The following COPB1 variants were observed in gnomAD, a reference collection of about 807,000 sequenced individuals.
The protein encoded by COPB1 is coat protein complex I subunit beta 1.
A neutral mutation model predicts 108.7 loss-of-function variants in COPB1; 21 were observed. That is an observed-to-expected ratio of 0.19 (90% CI 0.14 to 0.28). COPB1 has a LOEUF of 0.28. Ranked by LOEUF, COPB1 falls within the 10% of genes least tolerant of loss-of-function variation. The pLI is 1.00. For synonymous variants in COPB1, 378 were observed against 386.8 expected (o/e 0.98, Z 0.27); for missense variants, 919 against 1,141.3 (o/e 0.81, Z 2.81).
intron 18 of COPB1, 133 bp from the exon 19 acceptor site, chr11:14,461,464 GCT>G (rs1850148452): frequency 2.3e-6 from 2 of 854,054 alleles, no homozygotes; most frequent in South Asian, 3.8e-5. Flanking sequence ...TATGTACAGA[GCT>G]CTATTCTACA....
At chr11:14,494,768 G>A in intron 2 of COPB1, 1 of 194,528 alleles carries the variant, frequency 5.1e-6, no homozygotes, top group Non-Finnish European at 1.0e-5. Flanking sequence ...AACACATATA[G>A]CTATTTTTCA....
intron 18 of COPB1, among the ~76,000 whole-genome samples, chr11:14,463,298 C>T (rs1278276498): frequency 6.6e-6 from 1 of 151,988 alleles, no homozygotes; most frequent in Admixed American, 6.6e-5. Flanking sequence ...TAAACAAATA[C>T]TTATCTCTAG....
At chr11:14,479,812 TG>T (rs1397271264) in intron 10 of COPB1, 98 bp from the exon 11 acceptor site, 8 of 1,249,934 alleles carry the variant, frequency 6.4e-6, no homozygotes, top group Non-Finnish European at 8.7e-6. Flanking sequence ...ATTCTTTTTT[TG>T]TTTTCTAAGA....
At chr11:14,478,636 G>C (rs1001618362) in intron 11 of COPB1, among the ~76,000 whole-genome samples, 5 of 151,212 alleles carry the variant, frequency 3.3e-5, no homozygotes, top group African/African-American at 1.2e-4. Context: ...AAAATAAATA[G>C]AGACAAAGTC....
intron 14 of COPB1, among the ~76,000 whole-genome samples, chr11:14,471,402 G>C (rs1029006635): frequency 6.6e-5 from 10 of 152,064 alleles, no homozygotes; most frequent in Non-Finnish European, 1.3e-4. Flanking sequence ...GATGCAACCA[G>C]GAGAGGAAAG....
At chr11:14,471,347 G>T (rs1335203685) in intron 14 of COPB1, among the ~76,000 whole-genome samples, 3 of 152,098 alleles carry the variant, frequency 2.0e-5, no homozygotes, top group Admixed American at 1.3e-4. Context: ...CAAGAAACTG[G>T]CTCTTTTAAG....
At chr11:14,481,648 G>C (rs1284130471) in intron 8 of COPB1, among the ~76,000 whole-genome samples, 2 of 152,198 alleles carry the variant, frequency 1.3e-5, no homozygotes, top group Non-Finnish European at 2.9e-5. Context: ...TTCGTTAAAT[G>C]TGATATTATT....
chr11:14,499,778 A>C lies in COPB1; in HGVS notation c.-129T>G, dbSNP rs1851116296. The stretch of plus-strand genomic sequence containing the variant: ...GGGCAGTGGTTTGGTGCAGCCGCGG[A>C]TCCGTCTACTGCGGCTCCGTCTACT... On this transcript the variant is annotated 5_prime_UTR_variant, in exon 1 of 22. Coordinates refer to ENST00000439561, the MANE Select transcript of COPB1 (RefSeq NM_001144061.2). The C allele has an allele frequency of 2.0e-5, 3 of 152,400 alleles. No homozygotes were observed. The highest frequency in any genetic ancestry group is 4.4e-5 in the Non-Finnish European group (3 of 68,290). The allele number at this position is 152,400 out of a possible 1,614,324, so 9.4% of individuals were successfully genotyped here.
In COPB1 at chr11:14,471,040, A is replaced by G. The variant is rs935156781; in HGVS notation, c.1738-1477T>C. Among the ~76,000 whole-genome samples the G allele has an allele frequency of 1.1e-4, 16 of 151,108 alleles. No individual in the cohort carries two copies. In the South Asian group the frequency reaches 3.3e-3, roughly 32 times the overall value. Reference sequence around the variant, plus strand: ...GGAGCTTTACTTTTACACTACTGGGAAAAAAAAACAGAAGACTTAGAATCC... The same window carrying G: ...GGAGCTTTACTTTTACACTACTGGGGAAAAAAAACAGAAGACTTAGAATCC... On this transcript the variant is annotated intron_variant, in intron 14 of 21. Transcript: ENST00000439561.
chr11:14,484,584 G>A (rs1850730432), intron 7 of COPB1, among the ~76,000 whole-genome samples: 1 of 152,142 alleles, frequency 6.6e-6, no homozygotes, highest in South Asian at 2.1e-4. Flanking sequence ...TGGGTGTGGT[G>A]GCATGCGCCT....
chr11:14,468,618 G>A (rs1167265907), intron 16 of COPB1, 63 bp downstream of exon 16: 8 of 1,444,470 alleles, frequency 5.5e-6, no homozygotes, highest in East Asian at 2.3e-5. Flanking sequence ...AAAAATAGCA[G>A]CACTAACAAC....
intron 12 of COPB1, among the ~76,000 whole-genome samples, chr11:14,476,185 T>C (rs750090218): frequency 6.6e-6 from 1 of 152,204 alleles, no homozygotes; most frequent in Non-Finnish European, 1.5e-5. Context: ...GACCTCAGTT[T>C]CTTAATCTGC....
chr11:14,484,756 G>T (rs367609015), intron 7 of COPB1, among the ~76,000 whole-genome samples: 13 of 152,158 alleles, frequency 8.5e-5, no homozygotes, highest in African/African-American at 2.9e-4. Context: ...CAACAGAAAA[G>T]AACTTTGTAC....
intron 12 of COPB1, among the ~76,000 whole-genome samples, chr11:14,476,373 C>A (rs1850519616): frequency 6.6e-6 from 1 of 152,178 alleles, no homozygotes; most frequent in Admixed American, 6.5e-5. Context: ...CTTATTTGTA[C>A]ATAATAACCT....
intron 9 of COPB1, 34 bp downstream of exon 9, chr11:14,480,956 A>C: frequency 1.2e-6 from 2 of 1,612,974 alleles, no homozygotes; most frequent in South Asian, 2.2e-5. Flanking sequence ...TTTGGGCCTG[A>C]TAGCTACAAA....
At chr11:14,487,421 A>T (rs991039048) in intron 6 of COPB1, among the ~76,000 whole-genome samples, 1 of 152,212 alleles carries the variant, frequency 6.6e-6, no homozygotes, top group African/African-American at 2.4e-5. Context: ...TCACGCCTGT[A>T]ATCTCAGCGC....
intron 14 of COPB1, among the ~76,000 whole-genome samples, chr11:14,470,944 A>ACACACACACACTCTCTCTCT (rs1285522756): frequency 4.4e-5 from 4 of 90,156 alleles, no homozygotes; most frequent in African/African-American, 2.1e-4. Flanking sequence ...ACACACACAC[A>ACACACACACACTCTCTCTCT]CTCTCTCTCT....
At chr11:14,488,859 G>A (rs984494811) in intron 5 of COPB1, among the ~76,000 whole-genome samples, 24 of 152,142 alleles carry the variant, frequency 1.6e-4, no homozygotes, top group African/African-American at 5.6e-4. Context: ...ATGGGATTCA[G>A]GGTATCCATA....
At chr11:14,491,972 A>G (rs937281299) in intron 4 of COPB1, among the ~76,000 whole-genome samples, 8 of 152,222 alleles carry the variant, frequency 5.3e-5, no homozygotes, top group Non-Finnish European at 1.2e-4. Context: ...AGTGAACACT[A>G]GCTTAATAAA....
Sources: gnomAD v4.1 joint callset for allele counts (sites outside exome capture counted in the v4.1 genomes callset) on GRCh38, gnomAD v4.1.1 for gene constraint, MANE v1.5 for transcripts, NCBI Gene and HGNC (gene_info 2026-07-23, HGNC 2026-07-21) for gene names.